FRMD3: variants seen among roughly 807,000 people sequenced by gnomAD.
FRMD3 encodes FERM domain containing 3.
A neutral mutation model predicts 70.2 loss-of-function variants in FRMD3; 33 were observed. The observed-to-expected ratio is 0.47, with a 90% CI of 0.36 to 0.63. The LOEUF (loss-of-function observed/expected upper bound fraction) is 0.63, where lower values mean the gene tolerates loss of function less well. Among genes scored for constraint, FRMD3 ranks in the 20% least tolerant of loss-of-function variants. The pLI is 0.00. For missense variants in FRMD3, 632 were observed against 711.4 expected (o/e 0.89, Z 1.27); for synonymous variants, 279 against 255.9 (o/e 1.09, Z -0.86).
intron 1 of FRMD3, among the ~76,000 whole-genome samples, chr9:83,480,497 T>A (rs1475140711): frequency 5.0e-5 from 1 of 20,024 alleles, no homozygotes; most frequent in Non-Finnish European, 1.0e-4. Context: ...AAACTAGAGA[T>A]TTTTTTTTTT....
At chr9:83,530,362 T>C (rs1295081366) in intron 1 of FRMD3, among the ~76,000 whole-genome samples, 3 of 152,218 alleles carry the variant, frequency 2.0e-5, no homozygotes, top group Non-Finnish European at 4.4e-5. Context: ...GAAAACATTG[T>C]GCTAAGTGAA....
chr9:83,422,377 C>T (rs1387830516), intron 1 of FRMD3, among the ~76,000 whole-genome samples: 1 of 152,128 alleles, frequency 6.6e-6, no homozygotes, highest in Non-Finnish European at 1.5e-5. Context: ...TCACTCTAGC[C>T]CCTTCCCACT....
chr9:83,250,924 G>C (rs1249166989), intron 13 of FRMD3, among the ~76,000 whole-genome samples: 1 of 152,220 alleles, frequency 6.6e-6, no homozygotes, highest in Non-Finnish European at 1.5e-5. Flanking sequence ...CCACTCAGCT[G>C]TTCCAGTCTG....
rs112491948 is a variant in FRMD3, at chr9:83,424,367, G to C, written c.148-34659C>G. Among the ~76,000 whole-genome samples the C allele has an allele frequency of 5.9e-3, 899 of 152,202 alleles. 11 individuals are homozygous for C. The highest frequency in any genetic ancestry group is 0.02 in the African/African-American group (826 of 41,524). ...ACTATGTGGTTTTCAAAAATTTCAG[G>C]GTTCGAAGCAAAAATATACAGACCA... On this transcript the variant is annotated intron_variant, in intron 1 of 13. Transcript: ENST00000304195.
intron 1 of FRMD3, among the ~76,000 whole-genome samples, chr9:83,497,642 G>A (rs1183053048): frequency 6.6e-6 from 1 of 152,178 alleles, no homozygotes; most frequent in Non-Finnish European, 1.5e-5. Flanking sequence ...TGAGCAGAAG[G>A]GACTGTGTCA....
chr9:83,427,358 C>T (rs902423701), intron 1 of FRMD3, among the ~76,000 whole-genome samples: 4 of 152,194 alleles, frequency 2.6e-5, no homozygotes, highest in Non-Finnish European at 4.4e-5. Flanking sequence ...GGTGCTGACT[C>T]CACTCCATGT....
At chr9:83,338,384 A>G (rs1316279200) in intron 5 of FRMD3, among the ~76,000 whole-genome samples, 1 of 152,176 alleles carries the variant, frequency 6.6e-6, no homozygotes, top group Non-Finnish European at 1.5e-5. Context: ...TTTTTCCTAG[A>G]AAAACTCTAG....
At chr9:83,404,068 G>GCACACACA (rs10552914) in intron 1 of FRMD3, among the ~76,000 whole-genome samples, 1 of 148,828 alleles carries the variant, frequency 6.7e-6, no homozygotes, top group Non-Finnish European at 1.5e-5. Flanking sequence ...GCATACACAC[G>GCACACACA]CACACACACA....
At chr9:83,536,929 C>CCAAAAAAAAAAAAAAAA (rs1829904095) in intron 1 of FRMD3, among the ~76,000 whole-genome samples, 1 of 46,268 alleles carries the variant, frequency 2.2e-5, no homozygotes, top group African/African-American at 1.3e-4. Flanking sequence ...CTGTATTACA[C>CCAAAAAAAAAAAAAAAA]TAAAAAAAAA....
intron 2 of FRMD3, among the ~76,000 whole-genome samples, chr9:83,378,144 T>C (rs1825206530): frequency 6.6e-6 from 1 of 152,136 alleles, no homozygotes; most frequent in African/African-American, 2.4e-5. Flanking sequence ...AAACAGAGCT[T>C]GGTGCATCGT....
intron 1 of FRMD3, among the ~76,000 whole-genome samples, chr9:83,536,946 A>AAAAAAAAAAAAAAAC (rs1829907631): frequency 6.6e-6 from 1 of 150,774 alleles, no homozygotes; most frequent in African/African-American, 2.4e-5. Context: ...AAAAAAAAAA[A>AAAAAAAAAAAAAAAC]AAAAAAAGCT....
chr9:83,299,145 T>A lies in FRMD3; in HGVS notation c.968A>T (p.Lys323Met), dbSNP rs1175470523. The stretch of plus-strand genomic sequence containing the variant: ...AAATCTACTTCCTTTAAAAAATATC[T>A]TGCTGCTTGATACAGTCTTGATCTG... ...SSQIKTVSSSKIFFKGSRFRY... is the reference protein window; with the variant it reads ...SSQIKTVSSSMIFFKGSRFRY... Residue 323 changes from lysine to methionine, a missense_variant, in exon 11 of 14, where the codon AAG (lysine) becomes ATG (methionine). By Grantham distance (95) the Lys-to-Met change is moderately conservative. Transcript: ENST00000304195. 1 of 1,613,166 alleles carries A rather than the reference T, an allele frequency of 6.2e-7. No homozygotes were observed. Among genetic ancestry groups the A allele is most frequent in the African/African-American group, 1.3e-5 (1 of 74,904 alleles).
intron 13 of FRMD3, among the ~76,000 whole-genome samples, chr9:83,278,491 G>T (rs1337190529): frequency 1.3e-5 from 2 of 152,120 alleles, no homozygotes; most frequent in Non-Finnish European, 2.9e-5. Context: ...AAATACATTT[G>T]GGTTATACTG....
intron 10 of FRMD3, among the ~76,000 whole-genome samples, chr9:83,304,375 C>T (rs1244690769): frequency 6.6e-6 from 1 of 152,100 alleles, no homozygotes; most frequent in Non-Finnish European, 1.5e-5. Context: ...GGTCTACGGA[C>T]CCACCGCACA....
chr9:83,499,399 G>A (rs1829014056), intron 1 of FRMD3, among the ~76,000 whole-genome samples: 2 of 152,114 alleles, frequency 1.3e-5, no homozygotes, highest in South Asian at 4.1e-4. Flanking sequence ...ACTCTTGACT[G>A]AAAACATCTA....
Position 83,395,577 on chromosome 9 carries a change from G to A in FRMD3, c.148-5869C>T, listed in dbSNP as rs536812609. Among the ~76,000 whole-genome samples the A allele has an allele frequency of 1.4e-4, 21 of 152,202 alleles. No individual in the cohort carries two copies. In the South Asian group the frequency reaches 4.1e-3, roughly 30 times the overall value. Reference sequence around the variant, plus strand: ...AGCTCCCACTTATAAGTGAGAACAGGTGGTATTTGGTTTTCTGTTCCTGCT... The same window carrying A: ...AGCTCCCACTTATAAGTGAGAACAGATGGTATTTGGTTTTCTGTTCCTGCT... On this transcript the variant is annotated intron_variant, in intron 1 of 13. Coordinates refer to ENST00000304195, the MANE Select transcript of FRMD3 (RefSeq NM_174938.6).
At chr9:83,489,361 A>T (rs1000447453) in intron 1 of FRMD3, among the ~76,000 whole-genome samples, 12 of 152,226 alleles carry the variant, frequency 7.9e-5, no homozygotes, top group African/African-American at 2.9e-4. Flanking sequence ...TATGCATCTG[A>T]CAAAGACCTA....
intron 1 of FRMD3, among the ~76,000 whole-genome samples, chr9:83,439,148 A>G (rs1827226206): frequency 6.6e-6 from 1 of 152,218 alleles, no homozygotes; most frequent in Admixed American, 6.5e-5. Context: ...ATAATAATTT[A>G]TCTTTCGCTT....
chr9:83,496,086 T>A (rs1828935855), intron 1 of FRMD3, among the ~76,000 whole-genome samples: 1 of 152,238 alleles, frequency 6.6e-6, no homozygotes, highest in South Asian at 2.1e-4. Flanking sequence ...TGAATTATTT[T>A]ACACCATGTG....
Sources: gnomAD v4.1 joint callset for allele counts (sites outside exome capture counted in the v4.1 genomes callset) on GRCh38, gnomAD v4.1.1 for gene constraint, MANE v1.5 for transcripts, NCBI Gene and HGNC (gene_info 2026-07-23, HGNC 2026-07-21) for gene names.